SNCAIP: variants seen among roughly 807,000 people sequenced by gnomAD.
The protein encoded by SNCAIP is synuclein alpha interacting protein.
A neutral mutation model predicts 86.7 loss-of-function variants in SNCAIP; 43 were observed. The observed-to-expected ratio is 0.50, with a 90% CI of 0.39 to 0.64. The LOEUF is 0.64. Ranked by LOEUF, SNCAIP falls within the 30% of genes least tolerant of loss-of-function variation. The pLI is 0.00. For synonymous variants in SNCAIP, 417 were observed against 427.2 expected (o/e 0.98, Z 0.29); for missense variants, 981 against 1,103.1 (o/e 0.89, Z 1.57).
chr5:122,403,132 G>A (rs1193659865), intron 2 of SNCAIP, among the ~76,000 whole-genome samples: 1 of 152,116 alleles, frequency 6.6e-6, no homozygotes, highest in Non-Finnish European at 1.5e-5. Context: ...CAGCCTCTGA[G>A]TCGGTGCTGA....
chr5:122,450,620 C>A lies in SNCAIP; in HGVS notation c.1773C>A (p.Val591=), dbSNP rs746193058. ...CTGTAGCCAAAAGCAAGCCAGGAGT[C>A]CAAGAGGGGATTCAGGTTCTTGGAA... ...DDSVAKSKPG[V]QEGIQVLGSL... Residue 591 remains valine, a synonymous_variant, in exon 10 of 11, where the codon GTC becomes GTA. Transcript: ENST00000261368. The A allele has an allele frequency of 6.2e-7, 1 of 1,614,044 alleles. No homozygotes were observed. Among genetic ancestry groups the A allele is most frequent in the Non-Finnish European group, 8.5e-7 (1 of 1,179,952 alleles).
At position 122,444,676 on chromosome 5, in the gene SNCAIP, G is replaced by A. The variant is rs1211409888; in HGVS notation, c.1536G>A (p.Val512=). ...HTLCSRYLVV[V]ETCMSLASQV... The stretch of plus-strand genomic sequence containing the variant: ...TGTGCTCCAGGTACCTGGTGGTGGT[G>A]GAGACCTGCATGTCGCTGGCCTCTC... Residue 512 remains valine (V), a synonymous_variant, in exon 8 of 11, where the codon GTG becomes GTA. Coordinates refer to ENST00000261368, the MANE Select transcript of SNCAIP (RefSeq NM_005460.4). 6.2e-7 allele frequency: 1 copy of A among 1,613,974 alleles called. No homozygotes were observed. Among genetic ancestry groups the A allele is most frequent in the South Asian group, 1.1e-5 (1 of 91,078 alleles).
intron 1 of SNCAIP, among the ~76,000 whole-genome samples, chr5:122,331,968 A>C (rs938982286): frequency 6.6e-6 from 1 of 152,258 alleles, no homozygotes; most frequent in African/African-American, 2.4e-5. Flanking sequence ...GAGTAAGTGT[A>C]CAGATACAAG....
At chr5:122,311,917 G>A (rs1300124843), upstream of SNCAIP, 1 of 150,044 alleles carries the variant, frequency 6.7e-6, no homozygotes, top group Non-Finnish European at 1.5e-5. Flanking sequence ...GGCCGAGCGG[G>A]GCTCGCTGGC....
chr5:122,359,946 C>G (rs1761881724), intron 1 of SNCAIP, among the ~76,000 whole-genome samples: 1 of 152,134 alleles, frequency 6.6e-6, no homozygotes, highest in African/African-American at 2.4e-5. Context: ...GCCTTCAGCT[C>G]CTCCAGAGAG....
intron 1 of SNCAIP, among the ~76,000 whole-genome samples, chr5:122,346,996 A>G (rs1215844392): frequency 1.3e-5 from 2 of 152,106 alleles, no homozygotes; most frequent in Non-Finnish European, 1.5e-5. Flanking sequence ...GATTTTTCCA[A>G]TCACATTAAT....
chr5:122,349,039 A>G (rs1365351783), intron 1 of SNCAIP, among the ~76,000 whole-genome samples: 1 of 152,190 alleles, frequency 6.6e-6, no homozygotes. Flanking sequence ...GTGAAAAAGT[A>G]GATTGACCCT....
intron 3 of SNCAIP, 27 bp downstream of exon 3, chr5:122,403,892 C>T (rs371481500): frequency 1.6e-5 from 25 of 1,557,582 alleles, no homozygotes; most frequent in Non-Finnish European, 2.1e-5. Flanking sequence ...CCCTCTTCTC[C>T]TTATCCTGGC....
intron 3 of SNCAIP, among the ~76,000 whole-genome samples, chr5:122,406,661 T>A (rs570854993): frequency 6.6e-6 from 1 of 152,138 alleles, no homozygotes; most frequent in Non-Finnish European, 1.5e-5. Flanking sequence ...TCCTACTCTG[T>A]CTCTTGCTTC....
Position 122,456,994 on chromosome 5 carries a change from TTTTTGTTTTG to T in SNCAIP, c.2754+5408_2754+5417del, listed in dbSNP as rs546191635. 3.5e-3 allele frequency among the ~76,000 whole-genome samples: 529 copies of T among 152,270 alleles called. 1 individual carries two copies. The highest frequency in any genetic ancestry group is 6.8e-3 in the Middle Eastern group (2 of 294). On this transcript the variant is annotated intron_variant, in intron 10 of 10. Coordinates refer to ENST00000261368, the MANE Select transcript of SNCAIP (RefSeq NM_005460.4). ...AGAAACTGTAGTTTCATGTTTTTTA[TTTTTGTTTTG>T]TTTTGTTTTGTTTTTGAGAAAGGGT...
intron 3 of SNCAIP, among the ~76,000 whole-genome samples, chr5:122,413,557 G>A (rs945624257): frequency 7.2e-5 from 11 of 151,950 alleles, no homozygotes; most frequent in African/African-American, 2.7e-4. Flanking sequence ...TTGCATCATT[G>A]TCTGAGCAGG....
chr5:122,430,240 G>A (rs988065152), intron 5 of SNCAIP, among the ~76,000 whole-genome samples: 1 of 152,130 alleles, frequency 6.6e-6, no homozygotes, highest in Non-Finnish European at 1.5e-5. Context: ...CCTCAGTGAA[G>A]CCTCCCTTGG....
chr5:122,442,112 C>CTTTTT lies in SNCAIP; in HGVS notation c.1422+1376_1422+1380dup, dbSNP rs10688988. Among the ~76,000 whole-genome samples the CTTTTT allele has an allele frequency of 5.6e-3, 365 of 65,612 alleles. 6 individuals carry two copies. Among genetic ancestry groups the CTTTTT allele is most frequent in the African/African-American group, 8.2e-3 (140 of 17,134 alleles). The allele number at this position is 65,612 out of a possible 152,430, so 43.0% of individuals were successfully genotyped here. ...TTTCTACCTTTAAGAAAGCAGTACT[C>CTTTTT]TTTTTTTTTTTTTTTTTTTTTTGGC... On this transcript the variant is annotated intron_variant, in intron 7 of 10. Transcript: ENST00000261368.
rs573260403 is a variant in SNCAIP, at chr5:122,420,052, A to G, written c.131-2816A>G. ...TTAATGAAAACCTGTGAAATAATCC[A>G]TTTTTCATTCCTGGGATGTCTTTTC... is the stretch of plus-strand genomic sequence containing the variant. On this transcript the variant is annotated intron_variant, in intron 3 of 10. Coordinates refer to ENST00000261368, the MANE Select transcript of SNCAIP (RefSeq NM_005460.4). 3.9e-5 allele frequency among the ~76,000 whole-genome samples: 6 copies of G among 152,200 alleles called. No homozygotes were observed. The East Asian group carries it at 1.2e-3, about 29-fold the overall frequency.
At chr5:122,462,355 C>T (rs1377349898) in intron 10 of SNCAIP, among the ~76,000 whole-genome samples, 1 of 152,114 alleles carries the variant, frequency 6.6e-6, no homozygotes, top group Non-Finnish European at 1.5e-5. Context: ...TCCCATTTCC[C>T]TTATTCATCT....
At chr5:122,354,325 G>A (rs1309928350) in intron 1 of SNCAIP, among the ~76,000 whole-genome samples, 2 of 152,178 alleles carry the variant, frequency 1.3e-5, no homozygotes, top group Non-Finnish European at 2.9e-5. Context: ...AGAATTGAGT[G>A]TAGACTAATA....
chr5:122,396,191 C>G (rs1770584068), intron 2 of SNCAIP, among the ~76,000 whole-genome samples: 2 of 152,170 alleles, frequency 1.3e-5, no homozygotes, highest in South Asian at 4.1e-4. Context: ...ACACCTTGTT[C>G]TAACATCATA....
At chr5:122,416,810 T>C (rs1180186861) in intron 3 of SNCAIP, among the ~76,000 whole-genome samples, 2 of 152,120 alleles carry the variant, frequency 1.3e-5, no homozygotes, top group Non-Finnish European at 2.9e-5. Flanking sequence ...GCCCCTCCTT[T>C]TGCTGTGAAA....
chr5:122,380,007 T>C (rs1183845951), intron 1 of SNCAIP, among the ~76,000 whole-genome samples: 22 of 151,928 alleles, frequency 1.4e-4, no homozygotes, highest in Non-Finnish European at 3.1e-4. Context: ...TTCTCTTTTT[T>C]GGTTGTGTCT....
Sources: allele counts gnomAD v4.1 joint callset (sites outside exome capture counted in the v4.1 genomes callset), GRCh38; gene constraint gnomAD v4.1.1; transcripts MANE v1.5; gene names NCBI Gene and HGNC (gene_info 2026-07-23, HGNC 2026-07-21).